The following DOCK1 variants were observed in gnomAD, a reference collection of about 807,000 sequenced individuals.
DOCK1 encodes the protein dedicator of cytokinesis protein 1.
DOCK1 carries 138 observed loss-of-function variants against 262.7 expected under a neutral mutation model. The ratio of observed to expected loss-of-function variants is 0.53; its 90% CI spans 0.46 to 0.61. DOCK1 has a LOEUF of 0.61. Ranked by LOEUF, DOCK1 falls within the 20% of genes least tolerant of loss-of-function variation. DOCK1 has a pLI of 0.00. For synonymous variants in DOCK1, 866 were observed against 867.4 expected (o/e 1.00, Z 0.03); for missense variants, 1,908 against 2,370.7 (o/e 0.80, Z 4.05).
At chr10:127,094,265 A>G (rs76434327) in intron 23 of DOCK1, among the ~76,000 whole-genome samples, 150 of 152,286 alleles carry the variant, frequency 9.8e-4, no homozygotes, top group African/African-American at 3.4e-3. Context: ...TTAAATTTCA[A>G]CTTGAATTTT....
intron 27 of DOCK1, among the ~76,000 whole-genome samples, chr10:127,148,164 G>A (rs2133409011): frequency 6.6e-6 from 1 of 152,162 alleles, no homozygotes; most frequent in African/African-American, 2.4e-5. Context: ...GACAAGTGGT[G>A]TGGAGCCTTG....
At chr10:127,092,324 G>T (rs933808046) in intron 23 of DOCK1, among the ~76,000 whole-genome samples, 1 of 152,142 alleles carries the variant, frequency 6.6e-6, no homozygotes, top group Admixed American at 6.5e-5. Context: ...CTCTGTCATC[G>T]CTCAGCAAGG....
At chr10:127,311,495 A>C (rs751456118) in intron 29 of DOCK1, among the ~76,000 whole-genome samples, 1 of 152,246 alleles carries the variant, frequency 6.6e-6, no homozygotes, top group Non-Finnish European at 1.5e-5. Context: ...GTCAGTGCTC[A>C]AAAAGTTTCA....
chr10:127,261,142 C>CATGTGGGTGTGCGT (rs1421743011), intron 29 of DOCK1, among the ~76,000 whole-genome samples: 1 of 54,272 alleles, frequency 1.8e-5, no homozygotes, highest in African/African-American at 7.7e-5. Flanking sequence ...CATGTGTGTG[C>CATGTGGGTGTGCGT]GTGTGTACCC....
chr10:127,013,875 G>A (rs1031929147), intron 12 of DOCK1, among the ~76,000 whole-genome samples: 1 of 152,252 alleles, frequency 6.6e-6, no homozygotes, highest in African/African-American at 2.4e-5. Context: ...GGTGAGTGAT[G>A]TGGCCAGTGA....
intron 27 of DOCK1, among the ~76,000 whole-genome samples, chr10:127,216,459 G>A (rs553327141): frequency 6.6e-6 from 1 of 152,282 alleles, no homozygotes; most frequent in Non-Finnish European, 1.5e-5. Context: ...GCTTAGAGGG[G>A]TGGAATTCTT....
At chr10:127,119,486 C>T (rs1311757945) in intron 25 of DOCK1, among the ~76,000 whole-genome samples, 5 of 152,154 alleles carry the variant, frequency 3.3e-5, no homozygotes, top group Middle Eastern at 3.2e-3. Context: ...GTGTCGGCAC[C>T]GTCTTCTGTA....
chr10:126,907,257 C>T (rs1230606067), intron 1 of DOCK1, among the ~76,000 whole-genome samples: 2 of 152,032 alleles, frequency 1.3e-5, no homozygotes, highest in African/African-American at 4.8e-5. Context: ...CACCAGCACA[C>T]GCAGAGAGAG....
At position 127,100,598 on chromosome 10, in the gene DOCK1, G is replaced by A. The variant is rs1198299318; in HGVS notation, c.2446-5633G>A. On this transcript the variant is annotated intron_variant, in intron 23 of 51. Transcript: ENST00000623213. The surrounding 1 kb of genome is among the most constrained non-coding windows in gnomAD (Gnocchi z 5.5). ...GAGTCATTGGCATGGCAGGAGGTGA[G>A]GTCCCTTGTGGGATATGTGGAGGGA... Among the ~76,000 whole-genome samples, 5 of 152,052 alleles carry A rather than the reference G, an allele frequency of 3.3e-5. No individual in the cohort carries two copies. Among genetic ancestry groups the A allele is most frequent in the Non-Finnish European group, 7.4e-5 (5 of 68,004 alleles).
Position 127,185,903 on chromosome 10 carries a change from T to G in DOCK1, c.2847+58139T>G, listed in dbSNP as rs148649185. On this transcript the variant is annotated intron_variant, in intron 27 of 51. Transcript: ENST00000623213. The stretch of plus-strand genomic sequence containing the variant: ...CATGCAGTATATTGGGGCCCCATAC[T>G]GTTGTAGAAAATGTGACTTGCTAGG... Among the ~76,000 whole-genome samples, 49 of 152,356 alleles carry G rather than the reference T, an allele frequency of 3.2e-4. 1 individual carries two copies. Among genetic ancestry groups the G allele is most frequent in the African/African-American group, 1.0e-3 (42 of 41,588 alleles).
In DOCK1 at chr10:127,451,442, C is replaced by G; in HGVS notation, c.*15C>G. On this transcript the variant is annotated 3_prime_UTR_variant, in exon 52 of 52. Coordinates refer to ENST00000623213, the MANE Select transcript of DOCK1 (RefSeq NM_001290223.2). ...TCGTGCAGTGACGTCGCAAGCCTCT[C>G]TGGAAAGAGTGTGCTGCCCCTCCCC... 2 of 1,561,162 alleles carry G rather than the reference C, an allele frequency of 1.3e-6. No individual in the cohort carries two copies. The highest frequency in any genetic ancestry group is 4.8e-5 in the East Asian group (2 of 41,440).
chr10:127,324,866 A>G (rs375842910), intron 29 of DOCK1, among the ~76,000 whole-genome samples: 4 of 152,174 alleles, frequency 2.6e-5, no homozygotes, highest in African/African-American at 9.7e-5. Flanking sequence ...ATCAGAAGCA[A>G]ATGAGAAAGT....
intron 29 of DOCK1, among the ~76,000 whole-genome samples, chr10:127,322,051 C>T (rs2062555761): frequency 6.6e-6 from 1 of 151,060 alleles, no homozygotes. Context: ...TGCAGTGAGC[C>T]GAGATCATGC....
intron 51 of DOCK1, among the ~76,000 whole-genome samples, chr10:127,451,084 G>A (rs57019966): frequency 0.3 from 46,159 of 151,974 alleles, 7,800 homozygotes; most frequent in East Asian, 0.55. Context: ...AAGGGCAATG[G>A]TACCTCTCAG....
At chr10:127,063,249 T>C (rs112925735) in intron 23 of DOCK1, among the ~76,000 whole-genome samples, 1 of 152,236 alleles carries the variant, frequency 6.6e-6, no homozygotes, top group Admixed American at 6.5e-5. Flanking sequence ...GGCATTCTTA[T>C]GGCTAGTGTC....
chr10:127,321,862 GGA>G (rs1418489262), intron 29 of DOCK1, among the ~76,000 whole-genome samples: 1 of 152,108 alleles, frequency 6.6e-6, no homozygotes, highest in Non-Finnish European at 1.5e-5. Context: ...CAGCACTTTG[GGA>G]GGCCAAGGCG....
intron 49 of DOCK1, among the ~76,000 whole-genome samples, chr10:127,442,195 C>T (rs2070208679): frequency 6.6e-6 from 1 of 152,192 alleles, no homozygotes; most frequent in Non-Finnish European, 1.5e-5. Flanking sequence ...GAATCTTCCT[C>T]CCAAGCCTAG....
intron 28 of DOCK1, among the ~76,000 whole-genome samples, chr10:127,256,816 G>T (rs564255210): frequency 6.6e-6 from 1 of 152,160 alleles, no homozygotes; most frequent in Non-Finnish European, 1.5e-5. Flanking sequence ...CAACACGGCT[G>T]CACACTCAAA....
chr10:126,958,681 A>G (rs948099636), intron 1 of DOCK1, among the ~76,000 whole-genome samples: 1 of 152,118 alleles, frequency 6.6e-6, no homozygotes, highest in Non-Finnish European at 1.5e-5. Context: ...ACAGGGCTCT[A>G]TGACACCTTC....
Sources: gnomAD v4.1 joint callset for allele counts (sites outside exome capture counted in the v4.1 genomes callset) on GRCh38, gnomAD v4.1.1 for gene constraint, Gnocchi (gnomAD v3.1) non-coding constraint, MANE v1.5 for transcripts, NCBI Gene and HGNC (gene_info 2026-07-23, HGNC 2026-07-21) for gene names.